Variants in CFAP184 observed in about 807,000 individuals in gnomAD.
CFAP184 encodes cilia and flagella associated protein 184.
the CFAP184 span, chr4:7,041,757 C>A: frequency 6.2e-7 from 1 of 1,613,564 alleles, no homozygotes; most frequent in Non-Finnish European, 8.5e-7. Flanking sequence ...CCTCCTGGGT[C>A]CTCATCCTGG....
the CFAP184 span, chr4:7,041,832 C>G: frequency 7.5e-6 from 12 of 1,609,624 alleles, no homozygotes; most frequent in Non-Finnish European, 1.0e-5. Flanking sequence ...TCATCTCCTT[C>G]TCCTTTTTAT....
chr4:7,042,165 G>C, the CFAP184 span: 4 of 1,599,000 alleles, frequency 2.5e-6, no homozygotes, highest in Non-Finnish European at 3.4e-6. Flanking sequence ...CCTTCTTTCT[G>C]CGCAGCGCCT....
the CFAP184 span, chr4:7,042,677 C>A: frequency 2.0e-6 from 3 of 1,508,220 alleles, no homozygotes; most frequent in Non-Finnish European, 2.6e-6. Context: ...GCCGGCCTCC[C>A]CGGCTCTCCA....
At chr4:7,041,508 G>A in the CFAP184 span, 2 of 1,614,224 alleles carry the variant, frequency 1.2e-6, no homozygotes, top group Non-Finnish European at 8.5e-7. Flanking sequence ...TCTTGGTCAG[G>A]ATGTCTCTTC....
chr4:7,041,366 G>C, the CFAP184 span: 22 of 1,614,140 alleles, frequency 1.4e-5, no homozygotes, highest in Non-Finnish European at 1.7e-5. Flanking sequence ...AGGGATTCCA[G>C]GCGCCGGTGA....
At chr4:7,042,252 CA>C in the CFAP184 span, 1 of 1,595,572 alleles carries the variant, frequency 6.3e-7, no homozygotes, top group Non-Finnish European at 8.5e-7. Context: ...GGTACTGGTC[CA>C]GGAGGTCGCT....
At chr4:7,042,174 C>T in the CFAP184 span, 2 of 1,598,426 alleles carry the variant, frequency 1.3e-6, no homozygotes, top group Non-Finnish European at 1.7e-6. Flanking sequence ...TGCGCAGCGC[C>T]TCGAAGATCT....
chr4:7,042,446 C>A, the CFAP184 span: 3 of 1,611,568 alleles, frequency 1.9e-6, no homozygotes, highest in East Asian at 2.2e-5. Flanking sequence ...TCCCCCTCCA[C>A]CCGCTCTGTC....
the CFAP184 span, chr4:7,042,332 C>G: frequency 1.9e-6 from 3 of 1,605,676 alleles, no homozygotes; most frequent in Admixed American, 5.0e-5. Context: ...TCGTCCCTTC[C>G]ATAGAGGCGC....
the CFAP184 span, chr4:7,041,724 A>C: frequency 6.2e-7 from 1 of 1,614,196 alleles, no homozygotes; most frequent in Non-Finnish European, 8.5e-7. Flanking sequence ...CAAAGTCAAT[A>C]AGAAGCAGAC....
At chr4:7,041,618 G>A in the CFAP184 span, 3 of 1,614,198 alleles carry the variant, frequency 1.9e-6, no homozygotes, top group Non-Finnish European at 2.5e-6. Context: ...GTTATTACTT[G>A]CACACTGTTG....
the CFAP184 span, chr4:7,041,455 A>C: frequency 6.2e-7 from 1 of 1,614,188 alleles, no homozygotes; most frequent in Admixed American, 1.7e-5. Flanking sequence ...CTTCTGATTC[A>C]GTCTGATGTT....
chr4:7,042,272 G>A, the CFAP184 span: 2 of 1,592,132 alleles, frequency 1.3e-6, no homozygotes, highest in Non-Finnish European at 8.6e-7. Context: ...CTGCGCAGCT[G>A]CTGCTCCTGC....
the CFAP184 span, chr4:7,042,399 C>T: frequency 1.3e-4 from 217 of 1,612,210 alleles, 3 homozygotes; most frequent in South Asian, 2.2e-3. Context: ...CCTTGCTCTC[C>T]GCGCCGTCTC....
At chr4:7,042,555 T>C in the CFAP184 span, 4 of 1,574,076 alleles carry the variant, frequency 2.5e-6, no homozygotes, top group South Asian at 4.5e-5. Flanking sequence ...CCTGCTCCAG[T>C]TCCTCCGCCC....
the CFAP184 span, chr4:7,042,757 G>A: frequency 1.3e-6 from 2 of 1,531,462 alleles, no homozygotes; most frequent in Non-Finnish European, 1.8e-6. Flanking sequence ...GTCCGCGGCG[G>A]TGCCTCCCTG....
chr4:7,042,092 C>T, the CFAP184 span: 2 of 1,609,506 alleles, frequency 1.2e-6, no homozygotes, highest in Admixed American at 1.7e-5. Context: ...CGCAGGTACG[C>T]TTGCTCTTTC....
chr4:7,041,633 C>T, the CFAP184 span: 1 of 1,614,212 alleles, frequency 6.2e-7, no homozygotes, highest in East Asian at 2.2e-5. Context: ...CTGTTGGTCA[C>T]CTTGCTGCGA....
the CFAP184 span, chr4:7,041,370 C>A: frequency 6.2e-7 from 1 of 1,614,242 alleles, no homozygotes; most frequent in Middle Eastern, 1.6e-4. Context: ...ATTCCAGGCG[C>A]CGGTGAAGCA....
Sources: allele counts gnomAD v4.1 joint callset, GRCh38; gene constraint gnomAD v4.1.1; transcripts MANE v1.5; gene names NCBI Gene and HGNC (gene_info 2026-07-23, HGNC 2026-07-21).